Variants in ITGA9 observed in about 807,000 individuals in gnomAD.
ITGA9 encodes integrin alpha-9.
In ITGA9, 56 loss-of-function variants were observed where a neutral mutation model predicts 127.8. The observed-to-expected ratio is 0.44, with a 90% CI of 0.35 to 0.55. The LOEUF is 0.55. Ranked by LOEUF, ITGA9 falls within the 20% of genes least tolerant of loss-of-function variation. The pLI is 0.00. For missense variants in ITGA9, 1,196 were observed against 1,347.1 expected (o/e 0.89, Z 1.76); for synonymous variants, 508 against 514.5 (o/e 0.99, Z 0.17).
intron 1 of ITGA9, among the ~76,000 whole-genome samples, chr3:37,467,439 A>T (rs1231678299): frequency 6.6e-6 from 1 of 152,164 alleles, no homozygotes; most frequent in Non-Finnish European, 1.5e-5. Context: ...TCTTGGCTCT[A>T]GGCTGGAGGA....
chr3:37,467,805 G>C (rs866519712), intron 1 of ITGA9, among the ~76,000 whole-genome samples: 7 of 152,156 alleles, frequency 4.6e-5, no homozygotes, highest in South Asian at 4.1e-4. Context: ...CTTAGAACCT[G>C]ACCTGTGGAA....
chr3:37,733,615 TC>T (rs1696324403), intron 19 of ITGA9, among the ~76,000 whole-genome samples: 4 of 150,190 alleles, frequency 2.7e-5, no homozygotes. Context: ...GGCTCTTTGG[TC>T]CCAGTATCTA....
chr3:37,519,155 T>C, intron 10 of ITGA9, 105 bp from the exon 11 acceptor site: 2 of 761,260 alleles, frequency 2.6e-6, no homozygotes, highest in Non-Finnish European at 4.6e-6. Context: ...CAACAACCAA[T>C]AATTTCTGGT....
intron 15 of ITGA9, among the ~76,000 whole-genome samples, chr3:37,598,351 C>T (rs1490637726): frequency 6.6e-6 from 1 of 152,132 alleles, no homozygotes; most frequent in Non-Finnish European, 1.5e-5. Context: ...AGAAGCCTCT[C>T]TGCCCTGGGG....
chr3:37,615,239 G>A (rs1038923556), intron 15 of ITGA9, among the ~76,000 whole-genome samples: 25 of 152,076 alleles, frequency 1.6e-4, no homozygotes, highest in East Asian at 3.9e-4. Flanking sequence ...GGTTTTTGTC[G>A]CTGGTTCTGT....
rs112451222 is a variant in ITGA9, at chr3:37,590,701, C to T, written c.1690-38486C>T. On this transcript the variant is annotated intron_variant, in intron 15 of 27. Coordinates refer to ENST00000264741, the MANE Select transcript of ITGA9 (RefSeq NM_002207.3). ...TTCTTTGCCAAAGTTCAGATGTCCC[C>T]CTTTCCCACTCTGTGGGTGGGCCCT... Among the ~76,000 whole-genome samples, 1,099 of 151,622 alleles carry T rather than the reference C, an allele frequency of 7.2e-3. 22 individuals are homozygous for T. The highest frequency in any genetic ancestry group is 0.026 in the African/African-American group (1,063 of 40,928).
At chr3:37,729,487 A>G (rs1187752319) in intron 18 of ITGA9, among the ~76,000 whole-genome samples, 1 of 152,168 alleles carries the variant, frequency 6.6e-6, no homozygotes, top group East Asian at 1.9e-4. Flanking sequence ...GAAATAGTTA[A>G]ATAAATGCTG....
rs1697410298 is a variant in ITGA9 at position 37,814,791 on chromosome 3, G to A, written c.3010-4100G>A. ...TATACACATACATGATATCTGTGATGTGAGTGGTATCCCCCAGCCCCTTAA... is the reference window on the plus strand; with the variant it reads ...TATACACATACATGATATCTGTGATATGAGTGGTATCCCCCAGCCCCTTAA... On this transcript the variant is annotated intron_variant, in intron 27 of 27. Coordinates refer to ENST00000264741, the MANE Select transcript of ITGA9 (RefSeq NM_002207.3). This position sits in a 1 kb window ranked among gnomAD's most constrained non-coding sequence, Gnocchi z 4.3. 6.6e-6 allele frequency among the ~76,000 whole-genome samples: 1 copy of A among 152,224 alleles called. No individual in the cohort carries two copies. Among genetic ancestry groups the A allele is most frequent in the African/African-American group, 2.4e-5 (1 of 41,458 alleles).
At chr3:37,638,925 C>T (rs1187687679) in intron 16 of ITGA9, among the ~76,000 whole-genome samples, 1 of 152,182 alleles carries the variant, frequency 6.6e-6, no homozygotes, top group South Asian at 2.1e-4. Context: ...GAGACCAAGC[C>T]TTCCCTCTAT....
At chr3:37,479,685 AG>A (rs1220992332) in intron 3 of ITGA9, among the ~76,000 whole-genome samples, 1 of 152,142 alleles carries the variant, frequency 6.6e-6, no homozygotes, top group Non-Finnish European at 1.5e-5. Flanking sequence ...GGCCTGCCCC[AG>A]GGGGTGGGTT....
intron 18 of ITGA9, among the ~76,000 whole-genome samples, chr3:37,708,200 C>T (rs971880372): frequency 3.3e-5 from 5 of 152,152 alleles, no homozygotes; most frequent in African/African-American, 1.2e-4. Flanking sequence ...TTGTCTGGAA[C>T]AAGGGGAGTG....
intron 3 of ITGA9, among the ~76,000 whole-genome samples, 174 bp from the exon 4 acceptor site, chr3:37,481,309 TC>T (rs1040071603): frequency 3.9e-5 from 6 of 152,216 alleles, no homozygotes; most frequent in African/African-American, 4.8e-5. Flanking sequence ...AGTGGCTTGT[TC>T]CTGTTCATGC....
chr3:37,682,049 T>G (rs1421232595), intron 17 of ITGA9, among the ~76,000 whole-genome samples: 9 of 152,278 alleles, frequency 5.9e-5, no homozygotes, highest in African/African-American at 2.2e-4. Flanking sequence ...TTGTTGCCTC[T>G]CTAATGGATC....
At chr3:37,514,777 T>C (rs2125577869) in intron 9 of ITGA9, among the ~76,000 whole-genome samples, 1 of 152,300 alleles carries the variant, frequency 6.6e-6, no homozygotes, top group East Asian at 1.9e-4. Flanking sequence ...TTCACCATGT[T>C]GGCCAGGCTG....
At chr3:37,723,447 G>A (rs1211907881) in intron 18 of ITGA9, among the ~76,000 whole-genome samples, 5 of 152,032 alleles carry the variant, frequency 3.3e-5, no homozygotes, top group South Asian at 4.2e-4. Flanking sequence ...TGCAATCTCC[G>A]CCTGCTGGGT....
chr3:37,718,721 C>T (rs1412541094), intron 18 of ITGA9, among the ~76,000 whole-genome samples: 4 of 152,212 alleles, frequency 2.6e-5, no homozygotes, highest in African/African-American at 9.7e-5. Flanking sequence ...GGGTTTTTAA[C>T]TTGATTGTCC....
intron 13 of ITGA9, among the ~76,000 whole-genome samples, chr3:37,532,808 G>A (rs1209626019): frequency 6.6e-6 from 1 of 152,224 alleles, no homozygotes; most frequent in Non-Finnish European, 1.5e-5. Context: ...ATTACCCAAT[G>A]AATTGGTGGA....
chr3:37,574,337 G>A (rs1007825081), intron 15 of ITGA9, among the ~76,000 whole-genome samples: 4 of 152,108 alleles, frequency 2.6e-5, no homozygotes, highest in Non-Finnish European at 5.9e-5. Flanking sequence ...AATAATGGTT[G>A]GAGAAGCTCC....
At chr3:37,553,071 T>G (rs150465011) in intron 15 of ITGA9, among the ~76,000 whole-genome samples, 1 of 152,038 alleles carries the variant, frequency 6.6e-6, no homozygotes, top group African/African-American at 2.4e-5. Flanking sequence ...AAAAAGTCAT[T>G]AGGATAGCAC....
Sources: gnomAD v4.1 joint callset for allele counts (sites outside exome capture counted in the v4.1 genomes callset) on GRCh38, gnomAD v4.1.1 for gene constraint, Gnocchi (gnomAD v3.1) non-coding constraint, MANE v1.5 for transcripts, NCBI Gene and HGNC (gene_info 2026-07-23, HGNC 2026-07-21) for gene names.